Variants in NCAM1 observed in about 807,000 individuals in gnomAD.
The protein encoded by NCAM1 is antigen recognized by monoclonal antibody 5.1H11.
In NCAM1, 14 loss-of-function variants were observed where a neutral mutation model predicts 109.8. That is an observed-to-expected ratio of 0.13 (90% CI 0.08 to 0.20). NCAM1 has a LOEUF of 0.20. Ranked by LOEUF, NCAM1 falls within the 10% of genes least tolerant of loss-of-function variation. NCAM1 has a pLI of 1.00. For synonymous variants in NCAM1, 418 were observed against 442.9 expected, an observed-to-expected ratio of 0.94 and a Z score of 0.70; for missense variants, 774 against 1,109.9, an observed-to-expected ratio of 0.70 and a Z score of 4.30.
At chr11:112,966,357 T>G (rs1428576274) in intron 1 of NCAM1, among the ~76,000 whole-genome samples, 1 of 152,240 alleles carries the variant, frequency 6.6e-6, no homozygotes, top group Non-Finnish European at 1.5e-5. Context: ...ATATACTCAG[T>G]GACTCTGAGC....
intron 1 of NCAM1, among the ~76,000 whole-genome samples, chr11:113,047,143 A>G (rs1953298972): frequency 6.6e-6 from 1 of 152,216 alleles, no homozygotes; most frequent in African/African-American, 2.4e-5. Flanking sequence ...GGCTGGTAAT[A>G]CAGGAGCTAA....
chr11:113,065,920 T>C (rs978276713), intron 1 of NCAM1, among the ~76,000 whole-genome samples: 1 of 152,220 alleles, frequency 6.6e-6, no homozygotes. Flanking sequence ...ATGAAGTGTA[T>C]GTGAACACAA....
chr11:113,006,735 C>T (rs1951901681), intron 1 of NCAM1, among the ~76,000 whole-genome samples: 1 of 152,068 alleles, frequency 6.6e-6, no homozygotes, highest in Admixed American at 6.5e-5. Flanking sequence ...ATAAGACAAA[C>T]ATAATTTTCA....
At chr11:113,107,897 A>G (rs1555092851) in intron 1 of NCAM1, among the ~76,000 whole-genome samples, 1 of 152,230 alleles carries the variant, frequency 6.6e-6, no homozygotes, top group African/African-American at 2.4e-5. Flanking sequence ...GCAAACTGCA[A>G]CTTCTGTGTT....
At position 113,271,850 on chromosome 11, in the gene NCAM1, C is replaced by G; in HGVS notation, c.2430C>G (p.Asn810Lys). ...NHDGGKHTEP[N>K]ETTPLTEPEK... Reference sequence around the variant, plus strand: ...ATGGAGGGAAACACACAGAGCCCAACGAGACCACGCCACTGACGGAGCCCG... The same window carrying G: ...ATGGAGGGAAACACACAGAGCCCAAGGAGACCACGCCACTGACGGAGCCCG... Residue 810 changes from asparagine (N) to lysine (K), a missense_variant, in exon 19 of 20, where the codon AAC (asparagine) becomes AAG (lysine). Asn to Lys is a moderately conservative substitution (Grantham distance 94). Transcript: ENST00000316851. 6.4e-7 allele frequency: 1 copy of G among 1,570,956 alleles called. No individual in the cohort carries two copies. Among genetic ancestry groups the G allele is most frequent in the Non-Finnish European group, 8.6e-7 (1 of 1,158,462 alleles).
intron 1 of NCAM1, among the ~76,000 whole-genome samples, chr11:113,126,014 A>T (rs1206271738): frequency 5.9e-5 from 9 of 151,696 alleles, no homozygotes; most frequent in African/African-American, 2.2e-4. Context: ...AAAATTAGCC[A>T]GGTGTGGTGG....
chr11:113,142,811 G>A (rs561547919), intron 1 of NCAM1, among the ~76,000 whole-genome samples: 13 of 152,188 alleles, frequency 8.5e-5, no homozygotes, highest in Non-Finnish European at 1.5e-4. Flanking sequence ...GGATACTAAC[G>A]TATCATTTCA....
At chr11:113,253,560 C>T (rs1024337717) in intron 15 of NCAM1, among the ~76,000 whole-genome samples, 8 of 152,124 alleles carry the variant, frequency 5.3e-5, no homozygotes, top group Admixed American at 2.0e-4. Context: ...CCCCATGATG[C>T]GGAGTTCAGA....
At chr11:113,105,852 A>G (rs1940132946) in intron 1 of NCAM1, among the ~76,000 whole-genome samples, 1 of 152,212 alleles carries the variant, frequency 6.6e-6, no homozygotes, top group African/African-American at 2.4e-5. Flanking sequence ...AACTCTGTGA[A>G]TATATTAAAA....
chr11:113,027,858 C>G (rs12288679), intron 1 of NCAM1, among the ~76,000 whole-genome samples: 1,526 of 152,196 alleles, frequency 0.01, 25 homozygotes, highest in African/African-American at 0.034. Context: ...GCTAATGTAA[C>G]TTACCAGAAA....
chr11:112,979,100 T>C (rs549646350), intron 1 of NCAM1, among the ~76,000 whole-genome samples: 1 of 151,880 alleles, frequency 6.6e-6, no homozygotes, highest in South Asian at 2.1e-4. Context: ...TGTGTTTAAT[T>C]TGGGCTTATG....
rs1382527535 is a variant in NCAM1, at chr11:113,243,032, G to A, written c.1826-3336G>A. The A allele has an allele frequency of 1.2e-5, 11 of 955,084 alleles. No homozygotes were observed. The African/African-American group carries it at 1.9e-4, about 17-fold the overall frequency. The allele number at this position is 955,084 out of a possible 1,614,324, so 59.2% of individuals were successfully genotyped here. A position where few individuals can be genotyped will look rare whatever the true frequency, so the allele number is the denominator to read the frequency against. ...CTGCTTGGCCAAGAGAGCAAACCAA[G>A]CATCAGCAAAAGAACGGGGTTGATT... On this transcript the variant is annotated intron_variant, in intron 14 of 19. Transcript: ENST00000316851.
At chr11:113,181,293 C>A (rs1943322059) in intron 1 of NCAM1, among the ~76,000 whole-genome samples, 1 of 152,174 alleles carries the variant, frequency 6.6e-6, no homozygotes, top group Admixed American at 6.5e-5. Context: ...GTCAGCTTGG[C>A]CTCCTGAGCT....
chr11:113,234,428 A>G (rs1169107942), intron 13 of NCAM1, among the ~76,000 whole-genome samples: 1 of 152,160 alleles, frequency 6.6e-6, no homozygotes, highest in Non-Finnish European at 1.5e-5. Context: ...CTCTGTACCC[A>G]TTAAACACTA....
intron 1 of NCAM1, among the ~76,000 whole-genome samples, chr11:113,120,775 A>C (rs1419110487): frequency 6.6e-6 from 1 of 152,192 alleles, no homozygotes; most frequent in African/African-American, 2.4e-5. Context: ...AAAATACGAA[A>C]ACTCGAAGAA....
intron 1 of NCAM1, among the ~76,000 whole-genome samples, chr11:113,042,726 G>A (rs536260741): frequency 9.2e-5 from 14 of 152,136 alleles, no homozygotes; most frequent in African/African-American, 2.9e-4. Flanking sequence ...TGTCATTTGC[G>A]AAGGCTTAGA....
intron 1 of NCAM1, among the ~76,000 whole-genome samples, chr11:113,069,793 G>C (rs147251403): frequency 6.6e-6 from 1 of 152,286 alleles, no homozygotes; most frequent in Admixed American, 6.5e-5. Context: ...TTTGGTAGAC[G>C]GGAGGGAGAA....
At chr11:113,021,757 C>A (rs892343080) in intron 1 of NCAM1, among the ~76,000 whole-genome samples, 1 of 152,186 alleles carries the variant, frequency 6.6e-6, no homozygotes, top group African/African-American at 2.4e-5. Flanking sequence ...TATAGTATTA[C>A]AAGAAATTTT....
At chr11:113,153,060 T>TG (rs1942285453) in intron 1 of NCAM1, among the ~76,000 whole-genome samples, 2 of 151,302 alleles carry the variant, frequency 1.3e-5, no homozygotes, top group Non-Finnish European at 2.9e-5. Context: ...TTTTTTTTTT[T>TG]GAGACAGAAT....
Sources: allele counts gnomAD v4.1 joint callset (sites outside exome capture counted in the v4.1 genomes callset), GRCh38; gene constraint gnomAD v4.1.1; transcripts MANE v1.5; gene names NCBI Gene and HGNC (gene_info 2026-07-23, HGNC 2026-07-21).